Variants in INO80D observed in about 807,000 individuals in gnomAD.
INO80D encodes the protein INO80 complex subunit D.
A neutral mutation model predicts 87.6 loss-of-function variants in INO80D; 21 were observed. The observed-to-expected ratio is 0.24, with a 90% CI of 0.17 to 0.35. The LOEUF is 0.35. Ranked by LOEUF, INO80D falls within the 10% of genes least tolerant of loss-of-function variation. The pLI is 1.00. For missense variants in INO80D, 982 were observed against 1,280.7 expected, an observed-to-expected ratio of 0.77 and a Z score of 3.56; for synonymous variants, 440 against 491.0, an observed-to-expected ratio of 0.90 and a Z score of 1.37.
At chr2:206,069,080 T>C (rs775374885) in intron 1 of INO80D, among the ~76,000 whole-genome samples, 2 of 152,192 alleles carry the variant, frequency 1.3e-5, no homozygotes, top group South Asian at 4.1e-4. Flanking sequence ...AATCCTATTA[T>C]ATTTTGTATT....
intron 5 of INO80D, among the ~76,000 whole-genome samples, chr2:206,043,340 T>C (rs1211762013): frequency 1.3e-5 from 2 of 151,606 alleles, no homozygotes; most frequent in Admixed American, 6.6e-5. Context: ...CCCGATTAAT[T>C]TTTGTGTTTT....
At chr2:206,055,462 G>A (rs1247621077) in intron 4 of INO80D, among the ~76,000 whole-genome samples, 3 of 151,952 alleles carry the variant, frequency 2.0e-5, no homozygotes, top group Non-Finnish European at 4.4e-5. Context: ...TTTTAAACAG[G>A]AAAAAATGTT....
rs1687986926 is a variant in INO80D at position 206,005,021 on chromosome 2, T to G, written c.2431A>C (p.Thr811Pro). The stretch of plus-strand genomic sequence containing the variant: ...TCACTGCTGTATTGCTGTCGTGAGG[T>G]GATTAGGTCATCTGCCTTGCTCAGC... ...QLLSKADDLI[T>P]SRQQYSSDHS... The change falls in exon 11 of 11, where the codon ACC becomes CCC. Residue 811 changes from threonine (T) to proline (P), a missense_variant. Coordinates refer to ENST00000403263, the MANE Select transcript of INO80D (RefSeq NM_017759.5). 35 of 1,613,452 alleles carry G rather than the reference T, an allele frequency of 2.2e-5. No individual in the cohort carries two copies. The highest frequency in any genetic ancestry group is 3.0e-5 in the Non-Finnish European group (35 of 1,179,754).
At chr2:206,044,279 A>G (rs1689134552) in intron 5 of INO80D, among the ~76,000 whole-genome samples, 1 of 152,102 alleles carries the variant, frequency 6.6e-6, no homozygotes, top group Non-Finnish European at 1.5e-5. Context: ...GAGTTACAGG[A>G]ATAGATGGGT....
In INO80D at chr2:206,001,234, T is replaced by C. The variant is rs190759938; in HGVS notation, c.*3134A>G. 5 of 152,348 alleles carry C rather than the reference T, an allele frequency of 3.3e-5. No individual in the cohort carries two copies. The highest frequency in any genetic ancestry group is 5.9e-5 in the Non-Finnish European group (4 of 68,024). 9.4% of individuals were successfully genotyped at this position (152,348 alleles called of 1,614,324 possible). On this transcript the variant is annotated 3_prime_UTR_variant, in exon 11 of 11. Coordinates refer to ENST00000403263, the MANE Select transcript of INO80D (RefSeq NM_017759.5). ...GAGTAAAGGAGAAAAAGCCCATCTT[T>C]TCTTCAGATACTACTGATCATAGCC...
At chr2:206,044,474 T>C (rs1238584873) in intron 5 of INO80D, among the ~76,000 whole-genome samples, 1 of 87,490 alleles carries the variant, frequency 1.1e-5, no homozygotes, top group South Asian at 4.0e-4. Flanking sequence ...TAAGGATAAA[T>C]ACCTGTTAAA....
chr2:206,028,415 T>C (rs1688674912), intron 5 of INO80D, 80 bp from the exon 6 acceptor site: 1 of 1,099,006 alleles, frequency 9.1e-7, no homozygotes, highest in South Asian at 1.6e-5. Context: ...AATTAGGAAA[T>C]GTAGCTGAAT....
chr2:206,071,743 T>C (rs1286831363), intron 1 of INO80D, among the ~76,000 whole-genome samples: 2 of 151,798 alleles, frequency 1.3e-5, no homozygotes, highest in East Asian at 3.9e-4. Context: ...TTCTTTTATT[T>C]CTCGAGCTTT....
At chr2:206,075,828 C>T (rs1411205256) in intron 1 of INO80D, among the ~76,000 whole-genome samples, 1 of 150,876 alleles carries the variant, frequency 6.6e-6, no homozygotes. Flanking sequence ...CTGAGGCAGG[C>T]GGATCACTTG....
At chr2:206,009,884 T>C (rs1337494186) in intron 8 of INO80D, 90 bp from the exon 9 acceptor site, 1 of 1,032,374 alleles carries the variant, frequency 9.7e-7, no homozygotes, top group East Asian at 2.6e-5. Context: ...CTTAATATTC[T>C]ATATAATGCC....
rs756370195 is a variant in INO80D at position 206,004,476 on chromosome 2, G to A, written c.2976C>T (p.Asp992=). The change falls in exon 11 of 11, where the codon GAC becomes GAT. Residue 992 remains aspartate, a synonymous_variant. Coordinates refer to ENST00000403263, the MANE Select transcript of INO80D (RefSeq NM_017759.5). The surrounding 1 kb of genome is among the most constrained non-coding windows in gnomAD (Gnocchi z 4.9). ...CTATAGAGCTGTGGCTGGGCTGCAG[G>A]TCCTTAGGAATGCCACTGTGAGAAC... ...QLSSHSGIPK[D]LQPSHSSIAP... The A allele has an allele frequency of 1.2e-6, 2 of 1,607,596 alleles. No individual in the cohort carries two copies. Among genetic ancestry groups the A allele is most frequent in the Non-Finnish European group, 8.5e-7 (1 of 1,177,106 alleles).
intron 4 of INO80D, among the ~76,000 whole-genome samples, chr2:206,052,791 CAA>C (rs34135960): frequency 2.2e-5 from 3 of 139,262 alleles, no homozygotes; most frequent in African/African-American, 2.7e-5. Context: ...GAACCTGTCT[CAA>C]AAAAAAAAAA....
chr2:206,081,094 C>T (rs1448471989), intron 1 of INO80D, among the ~76,000 whole-genome samples: 1 of 152,010 alleles, frequency 6.6e-6, no homozygotes, highest in Admixed American at 6.6e-5. Context: ...TTATTACCCC[C>T]TTTTACAGAC....
intron 1 of INO80D, among the ~76,000 whole-genome samples, chr2:206,080,163 A>T (rs576229495): frequency 1.3e-5 from 2 of 152,354 alleles, no homozygotes; most frequent in Non-Finnish European, 2.9e-5. Flanking sequence ...GCTCAGAGCT[A>T]CAACAGAGAA....
rs1690411971 is a variant in INO80D at position 206,085,243 on chromosome 2, A to G, written c.-124+658T>C. 1.3e-5 allele frequency among the ~76,000 whole-genome samples: 2 copies of G among 151,356 alleles called. No individual in the cohort carries two copies. Among genetic ancestry groups the G allele is most frequent in the African/African-American group, 4.9e-5 (2 of 41,220 alleles). ...CCCTCCACCCGACCCCACGCCCGCCAGGCCGCCCGCCCCGCCCCGCCCCGG... is the reference window on the plus strand; with the variant it reads ...CCCTCCACCCGACCCCACGCCCGCCGGGCCGCCCGCCCCGCCCCGCCCCGG... On this transcript the variant is annotated intron_variant, in intron 1 of 10. Transcript: ENST00000403263. The surrounding 1 kb of genome is among the most constrained non-coding windows in gnomAD (Gnocchi z 4.5).
intron 4 of INO80D, among the ~76,000 whole-genome samples, chr2:206,051,721 G>A (rs1021649559): frequency 1.3e-5 from 2 of 151,650 alleles, no homozygotes; most frequent in African/African-American, 2.4e-5. Context: ...GGCTGGTCCC[G>A]AACTCCTGGG....
chr2:206,065,982 G>A (rs1349130568), intron 1 of INO80D, among the ~76,000 whole-genome samples: 2 of 152,160 alleles, frequency 1.3e-5, no homozygotes, highest in East Asian at 1.9e-4. Context: ...AGCATGGGCC[G>A]GGCGCAGTGG....
At chr2:206,081,241 C>A (rs1690274961) in intron 1 of INO80D, among the ~76,000 whole-genome samples, 1 of 152,162 alleles carries the variant, frequency 6.6e-6, no homozygotes, top group Non-Finnish European at 1.5e-5. Flanking sequence ...CATGGACAAT[C>A]CTACCCTTAC....
At chr2:206,050,923 C>G (rs1159109212) in intron 4 of INO80D, among the ~76,000 whole-genome samples, 3 of 151,872 alleles carry the variant, frequency 2.0e-5, no homozygotes, top group Non-Finnish European at 4.4e-5. Context: ...GAGCCGAGAT[C>G]CCGCCACTGC....
Sources: gnomAD v4.1 joint callset for allele counts (sites outside exome capture counted in the v4.1 genomes callset) on GRCh38, gnomAD v4.1.1 for gene constraint, Gnocchi (gnomAD v3.1) non-coding constraint, MANE v1.5 for transcripts, NCBI Gene and HGNC (gene_info 2026-07-23, HGNC 2026-07-21) for gene names.